ZNF385D: variants seen among roughly 807,000 people sequenced by gnomAD.
ZNF385D encodes zinc finger protein 659.
Under a neutral mutation model 35.8 loss-of-function variants are expected in ZNF385D, and 15 were observed. The observed-to-expected ratio is 0.42, with a 90% confidence interval of 0.28 to 0.64. The LOEUF (loss-of-function observed/expected upper bound fraction) is 0.64. ZNF385D is among the 30% of genes least tolerant of loss of function. The pLI is 0.23. For synonymous variants in ZNF385D, 212 were observed against 186.8 expected, an observed-to-expected ratio of 1.13 and a Z score of -1.10; for missense variants, 474 against 494.6, an observed-to-expected ratio of 0.96 and a Z score of 0.39.
At position 21,902,291 on chromosome 3, in the gene ZNF385D, T is replaced by C. The variant is rs756111495; in HGVS notation, c.326-237263A>G. Among the ~76,000 whole-genome samples the C allele has an allele frequency of 4.1e-4, 63 of 152,280 alleles. 1 individual carries two copies. Among genetic ancestry groups the C allele is most frequent in the Non-Finnish European group, 2.4e-4 (16 of 68,020 alleles). Reference sequence around the variant, plus strand: ...CAGTAAAAATAGGTCTTCTAGTCCATGATTTAACTGAGACAAGTATGACTT... The same window carrying C: ...CAGTAAAAATAGGTCTTCTAGTCCACGATTTAACTGAGACAAGTATGACTT... On this transcript the variant is annotated intron_variant, in intron 3 of 5. Coordinates refer to the ZNF385D transcript ENST00000494108.
rs573768550 is a variant in ZNF385D, at chr3:22,066,830, T to C, written c.325+101987A>G. Among the ~76,000 whole-genome samples, 20 of 152,276 alleles carry C rather than the reference T, an allele frequency of 1.3e-4. No individual in the cohort carries two copies. The East Asian group carries it at 3.3e-3, about 25-fold the overall frequency. On this transcript the variant is annotated intron_variant, in intron 3 of 5. Coordinates refer to the ZNF385D transcript ENST00000494108. Reference sequence around the variant, plus strand: ...GAGAGTAAGCCACATGAAAAAGAAATTGAAAATATATTTCCTTGAAAACAT... The same window carrying C: ...GAGAGTAAGCCACATGAAAAAGAAACTGAAAATATATTTCCTTGAAAACAT...
At chr3:21,453,253 A>G (rs763647247) in intron 4 of ZNF385D, among the ~76,000 whole-genome samples, 2 of 151,948 alleles carry the variant, frequency 1.3e-5, no homozygotes, top group Non-Finnish European at 1.5e-5. Flanking sequence ...AGGAGGAAAA[A>G]CTATAACGCT....
At chr3:22,056,586 AAAC>A (rs1477394660) in intron 3 of ZNF385D, among the ~76,000 whole-genome samples, 1 of 152,238 alleles carries the variant, frequency 6.6e-6, no homozygotes, top group Admixed American at 6.5e-5. Flanking sequence ...CCAAAAAACA[AAAC>A]AATAAAACAA....
At chr3:22,244,094 T>A (rs1699636917) in intron 2 of ZNF385D, among the ~76,000 whole-genome samples, 1 of 150,696 alleles carries the variant, frequency 6.6e-6, no homozygotes, top group African/African-American at 2.5e-5. Flanking sequence ...ATATTTCCCC[T>A]TGAAGCCAAT....
intron 2 of ZNF385D, among the ~76,000 whole-genome samples, chr3:21,600,833 A>G (rs971659609): frequency 2.6e-5 from 4 of 152,104 alleles, no homozygotes; most frequent in African/African-American, 9.7e-5. Flanking sequence ...GAGTATATAC[A>G]TAAAAATAGG....
intron 2 of ZNF385D, among the ~76,000 whole-genome samples, chr3:21,633,300 C>G (rs2065334868): frequency 6.6e-6 from 1 of 151,736 alleles, no homozygotes; most frequent in African/African-American, 2.4e-5. Context: ...TTATACAAGC[C>G]AAATTATTGT....
In ZNF385D at chr3:22,240,201, A is replaced by AAAAAAAAAAAAG. The variant is rs374166678; in HGVS notation, c.107-71167_107-71166insCTTTTTTTTTTT. ...CTGTCTCCAAAAAAAAAAAAAAAAA[A>AAAAAAAAAAAAG]AAGATTTCAGACACCTGGCTCCACC... On this transcript the variant is annotated intron_variant, in intron 2 of 5. Coordinates refer to the ZNF385D transcript ENST00000494108. Among the ~76,000 whole-genome samples, 9 of 121,044 alleles carry AAAAAAAAAAAAG rather than the reference A, an allele frequency of 7.4e-5. 4 individuals carry two copies. The highest frequency in any genetic ancestry group is 6.6e-5 in the Non-Finnish European group (4 of 61,000). 79.4% of individuals were successfully genotyped at this position (121,044 alleles called of 152,430 possible). A position where few individuals can be genotyped will look rare whatever the true frequency, so the allele number is the denominator to read the frequency against.
chr3:21,960,750 T>A (rs1025769432), intron 3 of ZNF385D, among the ~76,000 whole-genome samples: 1 of 152,084 alleles, frequency 6.6e-6, no homozygotes, highest in South Asian at 2.1e-4. Flanking sequence ...TGGAATACTA[T>A]CCAGCCATAA....
chr3:22,152,074 T>C (rs1350472448), intron 3 of ZNF385D, among the ~76,000 whole-genome samples: 1 of 152,126 alleles, frequency 6.6e-6, no homozygotes, highest in Non-Finnish European at 1.5e-5. Context: ...TCTCATCATT[T>C]AGCTCCCACT....
chr3:22,140,469 G>A (rs746487026), intron 3 of ZNF385D, among the ~76,000 whole-genome samples: 3 of 152,076 alleles, frequency 2.0e-5, no homozygotes, highest in East Asian at 1.9e-4. Context: ...TGTGTATCCC[G>A]GTTGTGGGCA....
chr3:21,806,468 G>C (rs2072653433), intron 3 of ZNF385D, among the ~76,000 whole-genome samples: 1 of 152,032 alleles, frequency 6.6e-6, no homozygotes, highest in Non-Finnish European at 1.5e-5. Flanking sequence ...GCCTCCCAGA[G>C]TGCTGGGATT....
chr3:21,443,405 TG>T, intron 4 of ZNF385D: 1 of 962,500 alleles, frequency 1.0e-6, no homozygotes, highest in Non-Finnish European at 1.2e-6. Context: ...TGCTCGGTCC[TG>T]AAAATTTTGG....
At chr3:21,517,737 A>G (rs1707671775) in intron 3 of ZNF385D, among the ~76,000 whole-genome samples, 1 of 152,234 alleles carries the variant, frequency 6.6e-6, no homozygotes, top group South Asian at 2.1e-4. Context: ...ATCAGTATGC[A>G]TTCTAATTAC....
At chr3:22,175,448 G>T (rs1324610153) in intron 2 of ZNF385D, among the ~76,000 whole-genome samples, 2 of 148,510 alleles carry the variant, frequency 1.3e-5, no homozygotes, top group Admixed American at 6.8e-5. Context: ...AAATAACTTA[G>T]AAAAAATGAG....
At chr3:21,642,292 G>A (rs1451040340) in intron 2 of ZNF385D, among the ~76,000 whole-genome samples, 1 of 152,076 alleles carries the variant, frequency 6.6e-6, no homozygotes, top group Non-Finnish European at 1.5e-5. Flanking sequence ...CTGCAGCAGA[G>A]AAAGCCCTTC....
chr3:22,246,957 A>C (rs1447302785), intron 2 of ZNF385D, among the ~76,000 whole-genome samples: 1 of 152,158 alleles, frequency 6.6e-6, no homozygotes, highest in Non-Finnish European at 1.5e-5. Context: ...ACGTGCACAC[A>C]CACAATTTCA....
intron 3 of ZNF385D, among the ~76,000 whole-genome samples, chr3:21,818,996 G>C (rs1012577083): frequency 6.6e-5 from 10 of 151,888 alleles, no homozygotes; most frequent in Admixed American, 2.6e-4. Context: ...AATTATGGTA[G>C]AAAACTGCAT....
At chr3:21,641,708 T>G (rs9864046) in intron 2 of ZNF385D, among the ~76,000 whole-genome samples, 12 of 146,296 alleles carry the variant, frequency 8.2e-5, no homozygotes. Flanking sequence ...ACTCCTGAAC[T>G]CAAGTGATCT....
intron 3 of ZNF385D, among the ~76,000 whole-genome samples, chr3:22,058,370 G>C (rs1402855519): frequency 6.6e-6 from 1 of 152,200 alleles, no homozygotes; most frequent in Non-Finnish European, 1.5e-5. Context: ...AAGCCTCCAG[G>C]ATTCAAGCCA....
Sources: gnomAD v4.1 joint callset for allele counts (sites outside exome capture counted in the v4.1 genomes callset) on GRCh38, gnomAD v4.1.1 for gene constraint, MANE v1.5 for transcripts, NCBI Gene and HGNC (gene_info 2026-07-23, HGNC 2026-07-21) for gene names.